PTGFR: variants seen among roughly 807,000 people sequenced by gnomAD.
PTGFR encodes prostaglandin F receptor.
A neutral mutation model predicts 26.2 loss-of-function variants in PTGFR; 15 were observed. That is an observed-to-expected ratio of 0.57 (90% CI 0.38 to 0.88). The LOEUF is 0.88. Among genes scored for constraint, PTGFR ranks in the 40% least tolerant of loss-of-function variants. The pLI is 0.00. For synonymous variants in PTGFR, 165 were observed against 151.1 expected (o/e 1.09, Z -0.68); for missense variants, 369 against 427.2 (o/e 0.86, Z 1.20).
intron 2 of PTGFR, among the ~76,000 whole-genome samples, chr1:78,530,253 C>A (rs67458600): frequency 0.11 from 16,914 of 152,118 alleles, 1,176 homozygotes; most frequent in Non-Finnish European, 0.17. Context: ...GTTTTGACAG[C>A]CATCCTTCTG....
chr1:78,509,670 G>A (rs531118004), intron 2 of PTGFR, among the ~76,000 whole-genome samples: 1 of 152,258 alleles, frequency 6.6e-6, no homozygotes, highest in South Asian at 2.1e-4. Flanking sequence ...CAGAGAAGAT[G>A]GCAATCTATG....
chr1:78,533,518 T>C (rs1451213665), intron 2 of PTGFR, among the ~76,000 whole-genome samples: 1 of 152,174 alleles, frequency 6.6e-6, no homozygotes, highest in Non-Finnish European at 1.5e-5. Context: ...GTTCTCAGAA[T>C]CCCTTCAGTT....
intron 2 of PTGFR, among the ~76,000 whole-genome samples, chr1:78,512,430 G>A (rs1570281990): frequency 1.3e-5 from 2 of 152,238 alleles, no homozygotes; most frequent in Admixed American, 1.3e-4. Flanking sequence ...TTTTGCTTAT[G>A]GTAGAAGGTG....
At chr1:78,529,492 G>A (rs1036571017) in intron 2 of PTGFR, among the ~76,000 whole-genome samples, 1 of 152,168 alleles carries the variant, frequency 6.6e-6, no homozygotes, top group African/African-American at 2.4e-5. Flanking sequence ...TCTGGAATGA[G>A]CCAGAGGTTT....
At chr1:78,510,418 G>C (rs772928446) in intron 2 of PTGFR, among the ~76,000 whole-genome samples, 3 of 152,150 alleles carry the variant, frequency 2.0e-5, no homozygotes, top group Admixed American at 6.5e-5. Context: ...TGTCAAGAGA[G>C]AGAGTAAGAA....
At chr1:78,525,531 A>G (rs11162505) in intron 2 of PTGFR, among the ~76,000 whole-genome samples, 35,858 of 152,008 alleles carry the variant, frequency 0.24, 4,441 homozygotes, top group South Asian at 0.35. Context: ...GGTATCATCA[A>G]CCAGGGAAGA....
At chr1:78,518,947 TTAAC>T (rs897136869) in intron 2 of PTGFR, among the ~76,000 whole-genome samples, 5 of 152,160 alleles carry the variant, frequency 3.3e-5, no homozygotes, top group African/African-American at 9.7e-5. Context: ...GTCAAGGTGC[TTAAC>T]TACTCTTCAG....
At chr1:78,532,153 C>A in intron 2 of PTGFR, 1 of 371,614 alleles carries the variant, frequency 2.7e-6, no homozygotes, top group South Asian at 1.9e-5. Context: ...ATAAGAAAAA[C>A]AAATAACTAG....
chr1:78,505,656 T>A (rs889618111), intron 2 of PTGFR, among the ~76,000 whole-genome samples: 1 of 152,166 alleles, frequency 6.6e-6, no homozygotes, highest in Non-Finnish European at 1.5e-5. Context: ...ACATTTTTTT[T>A]ATCCCCAAAA....
At chr1:78,510,899 G>C (rs1332644747) in intron 2 of PTGFR, among the ~76,000 whole-genome samples, 1 of 152,088 alleles carries the variant, frequency 6.6e-6, no homozygotes, top group Non-Finnish European at 1.5e-5. Context: ...GAGACAAAAG[G>C]CCCCACACAA....
intron 2 of PTGFR, 84 bp from the exon 3 acceptor site, chr1:78,536,322 T>C: frequency 7.5e-7 from 1 of 1,327,888 alleles, no homozygotes; most frequent in Non-Finnish European, 1.0e-6. Flanking sequence ...GTGAAATGAA[T>C]GTCATCTAGC....
At chr1:78,507,449 A>T (rs974876990) in intron 2 of PTGFR, among the ~76,000 whole-genome samples, 1 of 152,074 alleles carries the variant, frequency 6.6e-6, no homozygotes, top group Non-Finnish European at 1.5e-5. Context: ...TAGATTTTAG[A>T]TTTGAATTGT....
At chr1:78,518,739 T>C (rs6424777) in intron 2 of PTGFR, among the ~76,000 whole-genome samples, 114,439 of 151,962 alleles carry the variant, frequency 0.75, 43,556 homozygotes, top group African/African-American at 0.87. Flanking sequence ...ATTTTTTTCA[T>C]GATTGATTTT....
chr1:78,494,733 G>C (rs985183202), intron 2 of PTGFR, among the ~76,000 whole-genome samples: 2 of 152,178 alleles, frequency 1.3e-5, no homozygotes, highest in African/African-American at 4.8e-5. Flanking sequence ...AGCCTCCTGA[G>C]TAGCTGGGAT....
Position 78,536,479 on chromosome 1 carries a change from G to A in PTGFR, c.872G>A (p.Arg291Gln), listed in dbSNP as rs1432709177. 2.5e-6 allele frequency: 4 copies of A among 1,612,728 alleles called. No homozygotes were observed. Among genetic ancestry groups the A allele is most frequent in the East Asian group, 2.2e-5 (1 of 44,828 alleles). The change falls in exon 3 of 3, where the codon CGA becomes CAA. Residue 291 changes from arginine to glutamine, a missense_variant. Coordinates refer to ENST00000370757, the MANE Select transcript of PTGFR (RefSeq NM_000959.4). Reference sequence around the variant, plus strand: ...TGTGAAACAACACTTTTTGCTCTCCGAATGGCAACATGGAATCAAATCTTA... The same window carrying A: ...TGTGAAACAACACTTTTTGCTCTCCAAATGGCAACATGGAATCAAATCTTA... ...ETCETTLFAL[R>Q]MATWNQILDP...
intron 2 of PTGFR, among the ~76,000 whole-genome samples, chr1:78,498,283 A>T (rs1649607048): frequency 1.3e-5 from 2 of 152,178 alleles, no homozygotes; most frequent in Non-Finnish European, 2.9e-5. Context: ...AAATCTATGT[A>T]TGTGTCTTGA....
chr1:78,491,794 G>A (rs574586755), intron 1 of PTGFR, among the ~76,000 whole-genome samples: 43 of 152,324 alleles, frequency 2.8e-4, no homozygotes, highest in African/African-American at 1.0e-3. Context: ...GGAATTCCCA[G>A]CCTCCGGGAA....
intron 2 of PTGFR, among the ~76,000 whole-genome samples, chr1:78,512,841 G>A (rs191834829): frequency 6.6e-6 from 1 of 152,240 alleles, no homozygotes; most frequent in Non-Finnish European, 1.5e-5. Context: ...CATGATATCT[G>A]GTTGTGATAT....
rs1490942240 is a variant in PTGFR at position 78,492,794 on chromosome 1, T to A, written c.51T>A (p.Leu17=). 2 of 1,614,222 alleles carry A rather than the reference T, an allele frequency of 1.2e-6. No homozygotes were observed. The highest frequency in any genetic ancestry group is 1.7e-6 in the Non-Finnish European group (2 of 1,180,042). ...TAGTGTCTCCTGCAGCTGCGCTTCT[T>A]TCAAACACAACCTGCCAGACGGAAA... ...KQLVSPAAAL[L]SNTTCQTENR... is the part of the protein sequence containing the mutation. Residue 17 remains leucine (L), a synonymous_variant, in exon 2 of 3, where the codon CTT becomes CTA. Coordinates refer to ENST00000370757, the MANE Select transcript of PTGFR (RefSeq NM_000959.4).
Sources: gnomAD v4.1 joint callset for allele counts (sites outside exome capture counted in the v4.1 genomes callset) on GRCh38, gnomAD v4.1.1 for gene constraint, MANE v1.5 for transcripts, NCBI Gene and HGNC (gene_info 2026-07-23, HGNC 2026-07-21) for gene names.